Variants in CENPF observed in about 807,000 individuals in gnomAD.
The protein encoded by CENPF is centromere protein F.
A neutral mutation model predicts 307.3 loss-of-function variants in CENPF; 214 were observed. That is an observed-to-expected ratio of 0.70 (90% CI 0.62 to 0.78). The LOEUF (loss-of-function observed/expected upper bound fraction) is 0.78, where lower values mean the gene tolerates loss of function less well. Among genes scored for constraint, CENPF ranks in the 30% least tolerant of loss-of-function variants. CENPF has a pLI of 0.00. For synonymous variants in CENPF, 1,259 were observed against 1,270.6 expected (o/e 0.99, Z 0.19); for missense variants, 3,401 against 3,483.9 (o/e 0.98, Z 0.60).
Position 214,663,621 on chromosome 1 carries a change from T to G in CENPF, c.9172T>G (p.Ser3058Ala). 6.2e-7 allele frequency: 1 copy of G among 1,614,094 alleles called. No individual in the cohort carries two copies. The highest frequency in any genetic ancestry group is 8.5e-7 in the Non-Finnish European group (1 of 1,180,006). The change falls in exon 20 of 20, where the codon TCA becomes GCA. Residue 3058 changes from serine to alanine, a missense_variant. Ser to Ala is a moderately conservative substitution (Grantham distance 99). Transcript: ENST00000366955. ...AGTTGCTCAGCGGAGCCCAGTAGAT[T>G]CAGGCACCATCCTCCGAGAACCCAC... ...VKVAQRSPVDSGTILREPTTK... is the reference protein window; with the variant it reads ...VKVAQRSPVDAGTILREPTTK...
At chr1:214,648,469 A>G (rs763153363) in intron 13 of CENPF, 2 of 728,612 alleles carry the variant, frequency 2.7e-6, no homozygotes, top group Non-Finnish European at 5.0e-6. Context: ...CTATTCTTCT[A>G]TTAAATCTTT....
intron 7 of CENPF, 94 bp from the exon 8 acceptor site, chr1:214,628,951 TA>T: frequency 1.1e-6 from 1 of 922,724 alleles, no homozygotes; most frequent in Non-Finnish European, 1.6e-6. Context: ...AATTGTGTGC[TA>T]AAACAATTAT....
At chr1:214,651,966 A>T (rs1658476629) in intron 15 of CENPF, 80 bp downstream of exon 15, 2 of 1,288,456 alleles carry the variant, frequency 1.6e-6, no homozygotes, top group Middle Eastern at 2.0e-4. Flanking sequence ...TTTCCAAAAA[A>T]AATCAATATT....
chr1:214,657,300 G>A lies in CENPF; in HGVS notation c.8853G>A (p.Glu2951=). 6.2e-7 allele frequency: 1 copy of A among 1,614,046 alleles called. No individual in the cohort carries two copies. The highest frequency in any genetic ancestry group is 8.5e-7 in the Non-Finnish European group (1 of 1,179,996). Reference sequence around the variant, plus strand: ...GAGGACCAACACCTGCTACCCCAGAGAGCTTTTCTAAAAAAAGCAAGAAAG... The same window carrying A: ...GAGGACCAACACCTGCTACCCCAGAAAGCTTTTCTAAAAAAAGCAAGAAAG... ...NGRGPTPATP[E]SFSKKSKKAV... is the part of the protein sequence containing the mutation. Residue 2951 remains glutamate (E), a synonymous_variant, in exon 18 of 20, where the codon GAG becomes GAA. Transcript: ENST00000366955.
chr1:214,659,671 A>G lies in CENPF; in HGVS notation c.9141+643A>G, dbSNP rs755264394. ...CAGCTGCCATTTAAGTATGCAAAGT[A>G]TATGCATTTTATTTATCTTTCTCAT... On this transcript the variant is annotated intron_variant, in intron 19 of 19. Transcript: ENST00000366955. This position sits in a 1 kb window ranked among gnomAD's most constrained non-coding sequence, Gnocchi z 4.4. Among the ~76,000 whole-genome samples the G allele has an allele frequency of 5.3e-5, 8 of 152,318 alleles. No individual in the cohort carries two copies. The highest frequency in any genetic ancestry group is 1.9e-4 in the East Asian group (1 of 5,182).
In CENPF at chr1:214,647,122, GAGA is replaced by G. The variant is rs776102567; in HGVS notation, c.7558_7560del (p.Lys2520del). 1.9e-5 allele frequency: 31 copies of G among 1,614,026 alleles called. No homozygotes were observed. In the African/African-American group the frequency reaches 2.5e-4, roughly 13 times the overall value. On this transcript the variant is annotated inframe_deletion, in exon 13 of 20. Coordinates refer to ENST00000366955, the MANE Select transcript of CENPF (RefSeq NM_016343.4). ...AGTAGAAGATGGCAAGCAGAAACTG[GAGA>G]AGAAGGATGAAGAAATCAGTAGACT...
intron 10 of CENPF, among the ~76,000 whole-genome samples, chr1:214,634,793 G>A (rs973512065): frequency 6.6e-6 from 1 of 152,134 alleles, no homozygotes; most frequent in Non-Finnish European, 1.5e-5. Flanking sequence ...GTGTCACTCT[G>A]GGTATCTTTC....
chr1:214,614,682 A>G, intron 2 of CENPF, 150 bp from the exon 3 acceptor site: 1 of 497,692 alleles, frequency 2.0e-6, no homozygotes, highest in Non-Finnish European at 3.5e-6. Context: ...TTGGCTTCAA[A>G]GTGTGATCAT....
In CENPF at chr1:214,659,348, C is replaced by T. The variant is rs897669647; in HGVS notation, c.9141+320C>T. On this transcript the variant is annotated intron_variant, in intron 19 of 19. Coordinates refer to ENST00000366955, the MANE Select transcript of CENPF (RefSeq NM_016343.4). This position sits in a 1 kb window ranked among gnomAD's most constrained non-coding sequence, Gnocchi z 4.4. ...GATTTGAAGAGGTAATTTTCCCTTT[C>T]GCCACTGGTATTAGTCATTGTTTGT... is the stretch of plus-strand genomic sequence containing the variant. Among the ~76,000 whole-genome samples the T allele has an allele frequency of 3.9e-5, 6 of 152,036 alleles. No individual in the cohort carries two copies. The highest frequency in any genetic ancestry group is 1.2e-4 in the African/African-American group (5 of 41,402).
At chr1:214,613,325 G>A in intron 1 of CENPF, 1 of 249,638 alleles carries the variant, frequency 4.0e-6, no homozygotes, top group Non-Finnish European at 8.0e-6. Flanking sequence ...ACCTTTTTCT[G>A]GCCTTCTTCG....
At chr1:214,619,579 CCTATATAGTCCTTTTGAT>C (rs1467348873) in intron 5 of CENPF, among the ~76,000 whole-genome samples, 1 of 152,140 alleles carries the variant, frequency 6.6e-6, no homozygotes, top group African/African-American at 2.4e-5. Flanking sequence ...GCAGTTGCTT[CCTATATAGTCCTTTTGAT>C]CTATTGAATT....
At chr1:214,635,934 T>A (rs1388104299) in intron 10 of CENPF, among the ~76,000 whole-genome samples, 5 of 152,214 alleles carry the variant, frequency 3.3e-5, no homozygotes, top group Non-Finnish European at 7.3e-5. Flanking sequence ...GCACAGTGTC[T>A]TTCCAGCTTT....
At chr1:214,613,658 T>G in intron 1 of CENPF, 56 bp from the exon 2 acceptor site, 1 of 1,286,700 alleles carries the variant, frequency 7.8e-7, no homozygotes, top group Non-Finnish European at 1.1e-6. Context: ...CATTAATTTC[T>G]GAGACTTTGT....
intron 1 of CENPF, among the ~76,000 whole-genome samples, chr1:214,606,406 C>G (rs1657034985): frequency 6.6e-6 from 1 of 152,166 alleles, no homozygotes; most frequent in Non-Finnish European, 1.5e-5. Flanking sequence ...CCTGATCACC[C>G]CTAGGTGCAC....
intron 14 of CENPF, among the ~76,000 whole-genome samples, chr1:214,651,330 G>A (rs570549916): frequency 6.6e-6 from 1 of 152,318 alleles, no homozygotes; most frequent in East Asian, 1.9e-4. Context: ...CAAGTCCGGA[G>A]GGGATTTGGT....
chr1:214,644,717 A>G lies in CENPF; in HGVS notation c.5147A>G (p.Lys1716Arg). Residue 1716 changes from lysine to arginine, a missense_variant, in exon 13 of 20, where the codon AAA (lysine) becomes AGA (arginine). Transcript: ENST00000366955. ...AAAATAACTGAGACTGGTGCAGTGA[A>G]ACCCACAGGAGAGTGCTCTGGGGAA... ...IEKITETGAVKPTGECSGEQS... is the reference protein window; with the variant it reads ...IEKITETGAVRPTGECSGEQS... 1.2e-6 allele frequency: 2 copies of G among 1,613,992 alleles called. No individual in the cohort carries two copies. The highest frequency in any genetic ancestry group is 1.7e-5 in the Admixed American group (1 of 59,988).
At position 214,642,834 on chromosome 1, in the gene CENPF, T is replaced by C; in HGVS notation, c.4496T>C (p.Leu1499Pro). ...GGAGACTCCTCCTTTTACAGAGCTC[T>C]TTTAGAACAGACAGGAGATATGTCT... ...SLGDSSFYRALLEQTGDMSLL... is the reference protein window; with the variant it reads ...SLGDSSFYRAPLEQTGDMSLL... Residue 1499 changes from leucine (L) to proline (P), a missense_variant, in exon 12 of 20, where the codon CTT becomes CCT. By Grantham distance (98) the Leu-to-Pro change is moderately conservative. Transcript: ENST00000366955. 6.2e-7 allele frequency: 1 copy of C among 1,614,034 alleles called. No individual in the cohort carries two copies. Among genetic ancestry groups the C allele is most frequent in the Non-Finnish European group, 8.5e-7 (1 of 1,179,992 alleles).
At position 214,608,192 on chromosome 1, in the gene CENPF, C is replaced by T. The variant is rs1279298135; in HGVS notation, c.-42+4871C>T. The T allele has an allele frequency of 3.4e-5, 35 of 1,014,690 alleles. No individual in the cohort carries two copies. In the East Asian group the frequency reaches 9.1e-4, roughly 26 times the overall value. 62.9% of individuals were successfully genotyped at this position (1,014,690 alleles called of 1,614,324 possible). A position where few individuals can be genotyped will look rare whatever the true frequency, so the allele number is the denominator to read the frequency against. ...TGTCCGGCTCTCTGGCCCTGTGCAT[C>T]CACTGTGGCTCCCCTCCTGCAGAGC... On this transcript the variant is annotated intron_variant, in intron 1 of 19. Coordinates refer to ENST00000366955, the MANE Select transcript of CENPF (RefSeq NM_016343.4).
chr1:214,606,238 AC>A (rs1657027591), intron 1 of CENPF, among the ~76,000 whole-genome samples: 1 of 151,948 alleles, frequency 6.6e-6, no homozygotes, highest in Non-Finnish European at 1.5e-5. Flanking sequence ...CCCGAGGGCC[AC>A]CCCCAGCCCT....
Sources: gnomAD v4.1 joint callset for allele counts (sites outside exome capture counted in the v4.1 genomes callset) on GRCh38, gnomAD v4.1.1 for gene constraint, Gnocchi (gnomAD v3.1) non-coding constraint, MANE v1.5 for transcripts, NCBI Gene and HGNC (gene_info 2026-07-23, HGNC 2026-07-21) for gene names.